Variants in CNTNAP5 observed in about 807,000 individuals in gnomAD.
The protein encoded by CNTNAP5 is contactin-associated protein-like 5.
CNTNAP5 carries 72 observed loss-of-function variants against 150.2 expected under a neutral mutation model. That is an observed-to-expected ratio of 0.48 (90% CI 0.40 to 0.58). CNTNAP5 has a LOEUF of 0.58. CNTNAP5 is among the 20% of genes least tolerant of loss of function. The probability of loss-of-function intolerance (pLI) is 0.00; values close to 1 mark genes in which losing one functional copy is unlikely to be tolerated. For missense variants in CNTNAP5, 1,636 were observed against 1,626.2 expected, an observed-to-expected ratio of 1.01 and a Z score of -0.10; for synonymous variants, 672 against 619.8, an observed-to-expected ratio of 1.08 and a Z score of -1.25.
At chr2:124,595,349 G>T (rs1362630828) in intron 11 of CNTNAP5, among the ~76,000 whole-genome samples, 2 of 124,752 alleles carry the variant, frequency 1.6e-5, no homozygotes, top group Non-Finnish European at 3.3e-5. Flanking sequence ...TAGCATGAAG[G>T]GTTGTTGAAT....
intron 13 of CNTNAP5, among the ~76,000 whole-genome samples, chr2:124,683,766 G>A (rs1166992100): frequency 6.6e-6 from 1 of 152,034 alleles, no homozygotes; most frequent in African/African-American, 2.4e-5. Context: ...TTATATATGT[G>A]CTGCACTTCA....
intron 1 of CNTNAP5, among the ~76,000 whole-genome samples, chr2:124,039,471 C>G (rs1012595470): frequency 6.6e-6 from 1 of 152,190 alleles, no homozygotes; most frequent in Non-Finnish European, 1.5e-5. Context: ...AAGCCTCTGT[C>G]TCCCAACATC....
At chr2:124,069,855 C>T (rs1682257281) in intron 1 of CNTNAP5, among the ~76,000 whole-genome samples, 1 of 152,062 alleles carries the variant, frequency 6.6e-6, no homozygotes, top group Non-Finnish European at 1.5e-5. Flanking sequence ...AGGTACAAAA[C>T]TAACTGGGAA....
chr2:124,445,349 C>T (rs1049528754), intron 5 of CNTNAP5, among the ~76,000 whole-genome samples: 9 of 152,070 alleles, frequency 5.9e-5, no homozygotes, highest in East Asian at 1.9e-4. Context: ...CCGCCTGCCT[C>T]GGCCTCCCAA....
At chr2:124,649,820 G>C (rs1678282063) in intron 13 of CNTNAP5, among the ~76,000 whole-genome samples, 1 of 152,104 alleles carries the variant, frequency 6.6e-6, no homozygotes, top group Non-Finnish European at 1.5e-5. Context: ...TGCTATGCCT[G>C]GTACATAATA....
At chr2:124,533,189 A>G (rs1313624185) in intron 10 of CNTNAP5, among the ~76,000 whole-genome samples, 2 of 152,152 alleles carry the variant, frequency 1.3e-5, no homozygotes, top group African/African-American at 2.4e-5. Flanking sequence ...TCTCAAGATC[A>G]GGACTAGAAT....
At chr2:124,479,644 T>G (rs556822242) in intron 7 of CNTNAP5, among the ~76,000 whole-genome samples, 1 of 152,314 alleles carries the variant, frequency 6.6e-6, no homozygotes, top group African/African-American at 2.4e-5. Flanking sequence ...TGGCCAATAC[T>G]AAGCCAATAT....
Position 124,920,515 on chromosome 2 carries a change from A to G in CNTNAP5, c.*6227A>G. On this transcript the variant is annotated 3_prime_UTR_variant, in exon 24 of 24. Coordinates refer to ENST00000682447, the MANE Select transcript of CNTNAP5 (RefSeq NM_001367498.1). The stretch of plus-strand genomic sequence containing the variant: ...TTGCAAAAAATACCAAACTTTGCTT[A>G]AAGCAGCATAGTTACATTGAGAAAG... Among the ~76,000 whole-genome samples, 1 of 152,126 alleles carries G rather than the reference A, an allele frequency of 6.6e-6. No homozygotes were observed. Among genetic ancestry groups the G allele is most frequent in the East Asian group, 1.9e-4 (1 of 5,180 alleles).
chr2:124,769,578 C>T (rs1274333426), intron 16 of CNTNAP5, among the ~76,000 whole-genome samples: 1 of 152,184 alleles, frequency 6.6e-6, no homozygotes, highest in African/African-American at 2.4e-5. Context: ...ACCTCTTCAG[C>T]AAGTGAGAGC....
chr2:124,758,017 G>A (rs1019535727), intron 14 of CNTNAP5, among the ~76,000 whole-genome samples: 3 of 152,088 alleles, frequency 2.0e-5, no homozygotes, highest in Non-Finnish European at 2.9e-5. Flanking sequence ...ATGTTTCTTG[G>A]AATAATAAGA....
At chr2:124,762,749 G>A (rs1296625486) in intron 14 of CNTNAP5, among the ~76,000 whole-genome samples, 1 of 152,040 alleles carries the variant, frequency 6.6e-6, no homozygotes, top group East Asian at 1.9e-4. Flanking sequence ...TAGATACTGG[G>A]GATACCAAGA....
In CNTNAP5 at chr2:124,814,803, AT is replaced by A. The variant is rs776326251; in HGVS notation, c.3217+16487del. Among the ~76,000 whole-genome samples, 14 of 152,318 alleles carry A rather than the reference AT, an allele frequency of 9.2e-5. No homozygotes were observed. In the East Asian group the frequency reaches 1.4e-3, roughly 15 times the overall value. ...GATTGCACTCTTCTTCTTATTTCTA[AT>A]TTTGATAGATATTTTTCTTCTCAAA... On this transcript the variant is annotated intron_variant, in intron 19 of 23. Transcript: ENST00000682447.
chr2:124,519,017 A>G (rs1178309445), intron 8 of CNTNAP5, among the ~76,000 whole-genome samples: 2 of 151,328 alleles, frequency 1.3e-5, no homozygotes, highest in Non-Finnish European at 2.9e-5. Flanking sequence ...AAAAAAAAAA[A>G]AGTACTGATT....
At chr2:124,566,896 T>C (rs1696037578) in intron 11 of CNTNAP5, among the ~76,000 whole-genome samples, 1 of 152,152 alleles carries the variant, frequency 6.6e-6, no homozygotes, top group Non-Finnish European at 1.5e-5. Flanking sequence ...AGGGCACCCT[T>C]TGGCAAAAAC....
At chr2:124,487,685 T>C (rs138621082) in intron 7 of CNTNAP5, among the ~76,000 whole-genome samples, 2 of 152,176 alleles carry the variant, frequency 1.3e-5, no homozygotes, top group African/African-American at 4.8e-5. Flanking sequence ...TAATCCTCCA[T>C]ATTGCAATCA....
intron 1 of CNTNAP5, among the ~76,000 whole-genome samples, chr2:124,118,090 A>T (rs1421499767): frequency 6.6e-6 from 1 of 152,092 alleles, no homozygotes; most frequent in Non-Finnish European, 1.5e-5. Context: ...TTTTTAAATG[A>T]CACTATTCTT....
intron 1 of CNTNAP5, among the ~76,000 whole-genome samples, chr2:124,103,372 G>T (rs193143074): frequency 6.6e-6 from 1 of 152,100 alleles, no homozygotes; most frequent in East Asian, 1.9e-4. Flanking sequence ...TAAGTGTACA[G>T]TGTTTATAAG....
Position 124,917,380 on chromosome 2 carries a change from A to C in CNTNAP5, c.*3092A>C, listed in dbSNP as rs774311264. Among the ~76,000 whole-genome samples, 2 of 152,140 alleles carry C rather than the reference A, an allele frequency of 1.3e-5. No individual in the cohort carries two copies. The highest frequency in any genetic ancestry group is 2.9e-5 in the Non-Finnish European group (2 of 68,004). On this transcript the variant is annotated 3_prime_UTR_variant, in exon 24 of 24. Transcript: ENST00000682447. ...ACAGTATATTTGCTTACTCTAAAAT[A>C]TATTTATCCTACTGCATCATTTATT... is the stretch of plus-strand genomic sequence containing the variant.
At chr2:124,240,402 C>T (rs1686855645) in intron 2 of CNTNAP5, among the ~76,000 whole-genome samples, 1 of 152,066 alleles carries the variant, frequency 6.6e-6, no homozygotes, top group African/African-American at 2.4e-5. Flanking sequence ...CAAATTATTC[C>T]CACTCACATT....
Sources: gnomAD v4.1 joint callset for allele counts (sites outside exome capture counted in the v4.1 genomes callset) on GRCh38, gnomAD v4.1.1 for gene constraint, MANE v1.5 for transcripts, NCBI Gene and HGNC (gene_info 2026-07-23, HGNC 2026-07-21) for gene names.